The following NIPAL2 variants were observed in gnomAD, a reference collection of about 807,000 sequenced individuals.
NIPAL2 encodes the protein NIPA like domain containing 2.
A neutral mutation model predicts 48.9 loss-of-function variants in NIPAL2; 43 were observed. The observed-to-expected ratio is 0.88, with a 90% CI of 0.69 to 1.13. The LOEUF is 1.13. NIPAL2 is among the 50% of genes most tolerant of loss of function. NIPAL2 has a pLI of 0.00. For missense variants in NIPAL2, 446 were observed against 461.4 expected (o/e 0.97, Z 0.31); for synonymous variants, 167 against 174.6 (o/e 0.96, Z 0.34).
chr8:98,215,995 G>A lies in NIPAL2; in HGVS notation c.559-3494C>T, dbSNP rs76083448. Among the ~76,000 whole-genome samples, 50 of 152,304 alleles carry A rather than the reference G, an allele frequency of 3.3e-4. No homozygotes were observed. The East Asian group carries it at 7.5e-3, about 23-fold the overall frequency. ...GATAGACAAAATTTTAGCACTGGAT[G>A]CCCCACTGCCAGTACCAATATCTGA... On this transcript the variant is annotated intron_variant, in intron 5 of 10. Coordinates refer to ENST00000430223, the MANE Select transcript of NIPAL2 (RefSeq NM_001321635.2).
chr8:98,245,347 T>C lies in NIPAL2; in HGVS notation c.376+7116A>G, dbSNP rs1399675361. 3.9e-5 allele frequency among the ~76,000 whole-genome samples: 6 copies of C among 152,292 alleles called. No homozygotes were observed. The East Asian group carries it at 1.2e-3, about 29-fold the overall frequency. On this transcript the variant is annotated intron_variant, in intron 3 of 10. Transcript: ENST00000430223. Reference sequence around the variant, plus strand: ...GGTATGTCAATTACAATGTATTCCATGGAATTAAGATTTGAATATCTGAGG... The same window carrying C: ...GGTATGTCAATTACAATGTATTCCACGGAATTAAGATTTGAATATCTGAGG...
At chr8:98,226,910 G>C (rs993370233) in intron 4 of NIPAL2, among the ~76,000 whole-genome samples, 6 of 152,142 alleles carry the variant, frequency 3.9e-5, no homozygotes, top group Admixed American at 3.3e-4. Flanking sequence ...AGCCAGGCCT[G>C]GAGTCAGAAA....
At chr8:98,199,504 G>A (rs1468876218) in intron 8 of NIPAL2, among the ~76,000 whole-genome samples, 1 of 152,124 alleles carries the variant, frequency 6.6e-6, no homozygotes, top group Non-Finnish European at 1.5e-5. Flanking sequence ...GGAGGCCCAA[G>A]GGGAAGGAGA....
chr8:98,264,461 T>C (rs1814576469), intron 1 of NIPAL2, among the ~76,000 whole-genome samples: 1 of 148,762 alleles, frequency 6.7e-6, no homozygotes, highest in African/African-American at 2.5e-5. Flanking sequence ...TGTACAAAAA[T>C]CACAAGCATT....
intron 8 of NIPAL2, among the ~76,000 whole-genome samples, chr8:98,202,500 G>A (rs961315211): frequency 2.0e-5 from 3 of 152,166 alleles, no homozygotes; most frequent in African/African-American, 7.2e-5. Flanking sequence ...ATGGTTTGGT[G>A]TCCTCTGTCA....
At chr8:98,209,979 T>G (rs1209599773) in intron 6 of NIPAL2, among the ~76,000 whole-genome samples, 2 of 152,048 alleles carry the variant, frequency 1.3e-5, no homozygotes, top group Non-Finnish European at 2.9e-5. Flanking sequence ...AGCAATTCAT[T>G]CAAATTTATA....
intron 1 of NIPAL2, among the ~76,000 whole-genome samples, chr8:98,269,671 A>G (rs1815006456): frequency 6.6e-6 from 1 of 152,132 alleles, no homozygotes; most frequent in South Asian, 2.1e-4. Context: ...GTTGTTGGTT[A>G]CTGTAGCTTT....
intron 3 of NIPAL2, among the ~76,000 whole-genome samples, chr8:98,242,552 C>T (rs1813050963): frequency 7.0e-6 from 1 of 142,124 alleles, no homozygotes; most frequent in Non-Finnish European, 1.5e-5. Flanking sequence ...CATTGGCGAT[C>T]TCAGCTCACT....
intron 1 of NIPAL2, among the ~76,000 whole-genome samples, chr8:98,260,688 A>G (rs1488616894): frequency 6.6e-6 from 1 of 152,218 alleles, no homozygotes; most frequent in Non-Finnish European, 1.5e-5. Flanking sequence ...GCAAGGCGGC[A>G]GCGAGGCTGG....
chr8:98,194,248 C>T (rs965199808), intron 10 of NIPAL2, among the ~76,000 whole-genome samples: 1 of 151,344 alleles, frequency 6.6e-6, no homozygotes, highest in African/African-American at 2.4e-5. Flanking sequence ...AGAGTGTTTG[C>T]TCTCTGGGTA....
At chr8:98,285,975 A>G (rs1164430427) in intron 1 of NIPAL2, among the ~76,000 whole-genome samples, 1 of 152,208 alleles carries the variant, frequency 6.6e-6, no homozygotes, top group Non-Finnish European at 1.5e-5. Flanking sequence ...CTTAATCTCC[A>G]ATGCAACAGT....
chr8:98,252,551 C>T lies in NIPAL2; in HGVS notation c.288G>A (p.Leu96=). 2 of 1,614,098 alleles carry T rather than the reference C, an allele frequency of 1.2e-6. No individual in the cohort carries two copies. The highest frequency in any genetic ancestry group is 1.7e-6 in the Non-Finnish European group (2 of 1,180,010). ...KSVLWWGGVL[L]MAVGETGNFA... ...AGTTCCCCGTCTCTCCCACGGCCAT[C>T]AGCAGGACACCACCCCACCACAGCA... The change falls in exon 3 of 11, where the codon CTG becomes CTA. Residue 96 remains leucine, a synonymous_variant. Transcript: ENST00000430223.
intron 5 of NIPAL2, among the ~76,000 whole-genome samples, chr8:98,218,360 C>G (rs754495685): frequency 6.6e-5 from 10 of 152,146 alleles, no homozygotes; most frequent in Non-Finnish European, 1.0e-4. Flanking sequence ...CCTTCTAGTG[C>G]TTATCACGGA....
chr8:98,275,081 T>A (rs560295693), intron 1 of NIPAL2, among the ~76,000 whole-genome samples: 1 of 152,136 alleles, frequency 6.6e-6, no homozygotes, highest in African/African-American at 2.4e-5. Context: ...AATGTTAACA[T>A]CTTACACAAC....
chr8:98,214,403 A>T (rs889847241), intron 5 of NIPAL2, among the ~76,000 whole-genome samples: 3 of 152,102 alleles, frequency 2.0e-5, no homozygotes, highest in Non-Finnish European at 4.4e-5. Flanking sequence ...ACCTCAAGTG[A>T]TCCACCTGCC....
chr8:98,278,567 T>C (rs1028397840), intron 1 of NIPAL2, among the ~76,000 whole-genome samples: 1 of 152,204 alleles, frequency 6.6e-6, no homozygotes, highest in Admixed American at 6.5e-5. Flanking sequence ...CTCTTCTGAA[T>C]TGAGTCTTAC....
At chr8:98,288,827 A>G (rs1427608339) in intron 1 of NIPAL2, among the ~76,000 whole-genome samples, 1 of 152,206 alleles carries the variant, frequency 6.6e-6, no homozygotes, top group East Asian at 1.9e-4. Flanking sequence ...AAATTGTCAT[A>G]CGGGAAATAT....
At chr8:98,227,273 C>T (rs1812223617) in intron 4 of NIPAL2, among the ~76,000 whole-genome samples, 1 of 152,154 alleles carries the variant, frequency 6.6e-6, no homozygotes, top group Admixed American at 6.5e-5. Flanking sequence ...ACCTAAGCTG[C>T]AAGACAAAAT....
At position 98,233,618 on chromosome 8, in the gene NIPAL2, TGA is replaced by T. The variant is rs1812556168; in HGVS notation, c.436+2535_436+2536del. Among the ~76,000 whole-genome samples, 6 of 152,344 alleles carry T rather than the reference TGA, an allele frequency of 3.9e-5. No individual in the cohort carries two copies. In the South Asian group the frequency reaches 1.0e-3, roughly 26 times the overall value. On this transcript the variant is annotated intron_variant, in intron 4 of 10. Transcript: ENST00000430223. ...AGAGTTGAATCCAGATCTGAAGTTA[TGA>T]GAGTCAGTTTAATTTAGATCCTTTA...
Sources: allele counts gnomAD v4.1 joint callset (sites outside exome capture counted in the v4.1 genomes callset), GRCh38; gene constraint gnomAD v4.1.1; transcripts MANE v1.5; gene names NCBI Gene and HGNC (gene_info 2026-07-23, HGNC 2026-07-21).